The following APP variants were observed in gnomAD, a reference collection of about 807,000 sequenced individuals.
APP encodes amyloid beta precursor protein.
A neutral mutation model predicts 101.4 loss-of-function variants in APP; 31 were observed. The observed-to-expected ratio is 0.31, with a 90% CI of 0.23 to 0.41. The LOEUF (loss-of-function observed/expected upper bound fraction) is 0.41, where lower values mean the gene tolerates loss of function less well. APP is among the 10% of genes least tolerant of loss of function. The pLI is 1.00. For missense variants in APP, 839 were observed against 1,003.7 expected (o/e 0.84, Z 2.22); for synonymous variants, 366 against 364.4 (o/e 1.00, Z -0.05).
intron 1 of APP, among the ~76,000 whole-genome samples, chr21:26,135,192 A>G (rs1419267315): frequency 6.6e-6 from 1 of 152,190 alleles, no homozygotes; most frequent in Non-Finnish European, 1.5e-5. Context: ...CCAGGATTAG[A>G]AGTACTTTCT....
intron 13 of APP, among the ~76,000 whole-genome samples, chr21:25,936,585 C>G (rs1237970871): frequency 6.6e-6 from 1 of 152,196 alleles, no homozygotes; most frequent in Non-Finnish European, 1.5e-5. Context: ...CTCTCTTTCT[C>G]TCTGAGAAAG....
intron 11 of APP, among the ~76,000 whole-genome samples, chr21:25,958,405 T>C (rs1163879758): frequency 1.3e-5 from 2 of 152,148 alleles, no homozygotes; most frequent in Non-Finnish European, 2.9e-5. Flanking sequence ...GTCTCCTGAG[T>C]AGCTGGGACT....
intron 1 of APP, among the ~76,000 whole-genome samples, chr21:26,124,087 T>C (rs929252237): frequency 6.6e-6 from 1 of 152,004 alleles, no homozygotes; most frequent in African/African-American, 2.4e-5. Context: ...CTCCCACATA[T>C]AAGCATTCAA....
chr21:26,033,968 C>T (rs2044968463), intron 5 of APP, among the ~76,000 whole-genome samples: 2 of 152,078 alleles, frequency 1.3e-5, no homozygotes, highest in South Asian at 4.1e-4. Context: ...TGTAAGACCC[C>T]GCTGGAGAGG....
chr21:26,080,148 C>G (rs1357412121), intron 3 of APP, among the ~76,000 whole-genome samples: 1 of 152,114 alleles, frequency 6.6e-6, no homozygotes, highest in Non-Finnish European at 1.5e-5. Context: ...ACAAACAAAG[C>G]AGCATCCATA....
intron 3 of APP, among the ~76,000 whole-genome samples, chr21:26,062,230 A>ACACACACACACACACACAC (rs57087990): frequency 4.1e-5 from 6 of 145,034 alleles, no homozygotes; most frequent in African/African-American, 1.5e-4. Context: ...CAAACAAACA[A>ACACACACACACACACACAC]ACACACACAC....
intron 13 of APP, among the ~76,000 whole-genome samples, chr21:25,933,053 G>A (rs2040214599): frequency 6.6e-6 from 1 of 152,040 alleles, no homozygotes; most frequent in African/African-American, 2.4e-5. Flanking sequence ...CATATAATTT[G>A]GAAAGATCAA....
chr21:25,969,833 TGAAAA>T (rs200205249), intron 11 of APP, among the ~76,000 whole-genome samples: 7 of 117,414 alleles, frequency 6.0e-5, no homozygotes, highest in Non-Finnish European at 1.0e-4. Context: ...AGCAAGACCC[TGAAAA>T]GAAAAGAAAA....
chr21:26,163,181 C>A (rs1343455538), intron 1 of APP, among the ~76,000 whole-genome samples: 7 of 128,042 alleles, frequency 5.5e-5, no homozygotes, highest in African/African-American at 2.1e-4. Context: ...GCAGAGGTTG[C>A]AGTAAGCCAA....
At chr21:26,084,363 C>A (rs569365514) in intron 3 of APP, among the ~76,000 whole-genome samples, 2 of 145,010 alleles carry the variant, frequency 1.4e-5, no homozygotes, top group African/African-American at 5.1e-5. Flanking sequence ...CTCAGCCTCC[C>A]GAGTAGCTGG....
intron 3 of APP, among the ~76,000 whole-genome samples, chr21:26,065,442 T>C (rs900600394): frequency 6.6e-6 from 1 of 152,208 alleles, no homozygotes; most frequent in Admixed American, 6.5e-5. Flanking sequence ...GAAAAAAATA[T>C]AAGTAATGTG....
At chr21:26,145,913 G>C (rs2146324824) in intron 1 of APP, among the ~76,000 whole-genome samples, 1 of 131,304 alleles carries the variant, frequency 7.6e-6, no homozygotes, top group East Asian at 2.0e-4. Context: ...TACTGTATAA[G>C]AGTTTTTTAA....
chr21:26,161,446 T>A (rs912147879), intron 1 of APP, among the ~76,000 whole-genome samples: 37 of 152,288 alleles, frequency 2.4e-4, no homozygotes, highest in African/African-American at 8.7e-4. Context: ...GTCACTTCCT[T>A]CCTCCTTTTT....
chr21:25,890,527 G>A (rs1482781937), intron 17 of APP, among the ~76,000 whole-genome samples: 8 of 152,110 alleles, frequency 5.3e-5, no homozygotes, highest in Non-Finnish European at 1.0e-4. Flanking sequence ...GATCACCTGA[G>A]GTCAGGAGTT....
intron 5 of APP, among the ~76,000 whole-genome samples, chr21:26,034,211 T>A (rs2044982782): frequency 6.6e-6 from 1 of 152,212 alleles, no homozygotes; most frequent in African/African-American, 2.4e-5. Context: ...TCTAGCCTTA[T>A]GAAGTCTAAT....
At chr21:25,945,416 TG>T (rs1449345802) in intron 13 of APP, 1 of 100,140 alleles carries the variant, frequency 1.0e-5, no homozygotes, top group African/African-American at 4.1e-5. Flanking sequence ...GAAATGGTAG[TG>T]GGGGCAGGGG....
intron 1 of APP, among the ~76,000 whole-genome samples, chr21:26,166,675 AAAAC>A (rs1229422636): frequency 6.6e-6 from 1 of 152,224 alleles, no homozygotes; most frequent in Non-Finnish European, 1.5e-5. Flanking sequence ...CCACCAGACA[AAAAC>A]AAAACACAAA....
chr21:26,042,572 C>T lies in APP; in HGVS notation c.662+8428G>A, dbSNP rs965198784. 9.3e-4 allele frequency among the ~76,000 whole-genome samples: 141 copies of T among 152,146 alleles called. 1 individual carries two copies. Among genetic ancestry groups the T allele is most frequent in the Admixed American group, 1.3e-4 (2 of 15,268 alleles). Reference sequence around the variant, plus strand: ...CACCTACAAATTGAGCCTGTGCAAGCGTTTTATGATGACTGCATTGATTAT... The same window carrying T: ...CACCTACAAATTGAGCCTGTGCAAGTGTTTTATGATGACTGCATTGATTAT... On this transcript the variant is annotated intron_variant, in intron 5 of 17. Coordinates refer to ENST00000346798, the MANE Select transcript of APP (RefSeq NM_000484.4).
rs1252213928 is a variant in APP, at chr21:25,902,781, C to A, written c.1963+2243G>T. Among the ~76,000 whole-genome samples the A allele has an allele frequency of 3.9e-5, 6 of 152,188 alleles. No individual in the cohort carries two copies. The East Asian group carries it at 1.2e-3, about 29-fold the overall frequency. ...TTTGTATTTCCTTGTCTTCCAAATT[C>A]CATCTCATGTTTCCAAATATGCAAA... On this transcript the variant is annotated intron_variant, in intron 15 of 17. Coordinates refer to ENST00000346798, the MANE Select transcript of APP (RefSeq NM_000484.4).
Sources: allele counts gnomAD v4.1 joint callset (sites outside exome capture counted in the v4.1 genomes callset), GRCh38; gene constraint gnomAD v4.1.1; transcripts MANE v1.5; gene names NCBI Gene and HGNC (gene_info 2026-07-23, HGNC 2026-07-21).